WBP2NL: variants seen among roughly 807,000 people sequenced by gnomAD.
WBP2NL encodes the protein WBP2 N-terminal like.
Under a neutral mutation model 23.3 loss-of-function variants are expected in WBP2NL, and 27 were observed. The observed-to-expected ratio is 1.16, with a 90% CI of 0.85 to 1.60. The LOEUF (loss-of-function observed/expected upper bound fraction) is 1.60, where lower values mean the gene tolerates loss of function less well. Among genes scored for constraint, WBP2NL ranks in the 40% most tolerant of loss-of-function variants. The probability of loss-of-function intolerance (pLI) is 0.00; values close to 1 mark genes in which losing one functional copy is unlikely to be tolerated. For missense variants in WBP2NL, 370 were observed against 389.5 expected, an observed-to-expected ratio of 0.95 and a Z score of 0.42; for synonymous variants, 151 against 145.9, an observed-to-expected ratio of 1.03 and a Z score of -0.25.
At chr22:42,051,884 A>G (rs1261880395) in intron 8 of WBP2NL, among the ~76,000 whole-genome samples, 3 of 152,230 alleles carry the variant, frequency 2.0e-5, no homozygotes, top group East Asian at 1.9e-4. Flanking sequence ...GGTAGGAACT[A>G]TTATCCCCAC....
chr22:42,048,284 G>T (rs1332748008), intron 8 of WBP2NL, among the ~76,000 whole-genome samples: 1 of 145,948 alleles, frequency 6.9e-6, no homozygotes, highest in African/African-American at 2.8e-5. Flanking sequence ...GCCGGGCGTG[G>T]TGGTGCACAC....
chr22:42,029,294 G>GA (rs953340569), downstream of WBP2NL, among the ~76,000 whole-genome samples: 2,609 of 81,548 alleles, frequency 0.032, 39 homozygotes, highest in Non-Finnish European at 0.036. Context: ...CTGTGTCTAG[G>GA]AAAAAAAAAA....
chr22:42,056,414 A>G (rs941584030), intron 8 of WBP2NL, among the ~76,000 whole-genome samples: 2 of 152,162 alleles, frequency 1.3e-5, no homozygotes, highest in Non-Finnish European at 2.9e-5. Context: ...ATGGGGACAA[A>G]AAATGAGTTA....
intron 8 of WBP2NL, among the ~76,000 whole-genome samples, chr22:42,041,918 T>A (rs548617217): frequency 3.3e-5 from 5 of 152,218 alleles, no homozygotes; most frequent in Admixed American, 3.3e-4. Flanking sequence ...AGACTATCTC[T>A]CTTTCAGTTT....
rs766411824 is a variant in WBP2NL, at chr22:42,026,773, CTATGGAGCCCCACCTGCAGGA to C, written c.538_558del (p.Ala180_Pro186del). On this transcript the variant is annotated inframe_deletion, in exon 6 of 6. Coordinates refer to ENST00000328823, the MANE Select transcript of WBP2NL (RefSeq NM_152613.3). ...TTCCATTATAATTCCCAGTTATTGT[CTATGGAGCCCCACCTGCAGGA>C]TATGGAGCCCCACCTCCCGGATACG... The C allele has an allele frequency of 3.3e-5, 53 of 1,613,334 alleles. No homozygotes were observed. Among genetic ancestry groups the C allele is most frequent in the East Asian group, 1.6e-4 (7 of 44,874 alleles).
intron 1 of WBP2NL, among the ~76,000 whole-genome samples, chr22:42,015,951 G>A (rs987209793): frequency 4.0e-5 from 6 of 151,678 alleles, no homozygotes; most frequent in African/African-American, 1.5e-4. Context: ...CATCCCTTTC[G>A]CTAGGTAGCA....
intron 1 of WBP2NL, among the ~76,000 whole-genome samples, chr22:42,006,682 G>A (rs1278770701): frequency 6.6e-6 from 1 of 152,204 alleles, no homozygotes; most frequent in Non-Finnish European, 1.5e-5. Context: ...GCTTACTAAA[G>A]TGTCTTGAAC....
chr22:42,009,259 A>G (rs1922589500), intron 1 of WBP2NL, among the ~76,000 whole-genome samples: 1 of 152,156 alleles, frequency 6.6e-6, no homozygotes, highest in Non-Finnish European at 1.5e-5. Flanking sequence ...CTCCCATTCC[A>G]TAGGTTGCTG....
At chr22:42,043,473 G>A (rs1401622151) in intron 8 of WBP2NL, among the ~76,000 whole-genome samples, 1 of 152,174 alleles carries the variant, frequency 6.6e-6, no homozygotes, top group African/African-American at 2.4e-5. Flanking sequence ...TGGTGAAGGC[G>A]AGGACCAACA....
chr22:42,001,987 G>A (rs1183048455), intron 1 of WBP2NL: 2 of 1,018,288 alleles, frequency 2.0e-6, no homozygotes, highest in African/African-American at 3.2e-5. Flanking sequence ...GAGGCAGGCT[G>A]CTGTGGGATG....
chr22:42,015,161 AC>A (rs2146777756), intron 1 of WBP2NL, among the ~76,000 whole-genome samples: 1 of 152,248 alleles, frequency 6.6e-6, no homozygotes, highest in African/African-American at 2.4e-5. Flanking sequence ...TTGTACAGTG[AC>A]TTTTCTGTAC....
chr22:42,047,268 TCAA>T (rs1375181009), intron 8 of WBP2NL, among the ~76,000 whole-genome samples: 9 of 36,236 alleles, frequency 2.5e-4, no homozygotes, highest in African/African-American at 7.3e-4. Context: ...ATTTTCAAGC[TCAA>T]AAAAAAAAAA....
intron 8 of WBP2NL, among the ~76,000 whole-genome samples, chr22:42,047,421 C>G (rs1925635006): frequency 6.6e-6 from 1 of 151,614 alleles, no homozygotes; most frequent in Non-Finnish European, 1.5e-5. Context: ...GAAACCCTGT[C>G]TCTACTAAAA....
intron 8 of WBP2NL, among the ~76,000 whole-genome samples, chr22:42,050,016 GT>G (rs1925778426): frequency 2.0e-5 from 3 of 150,426 alleles, no homozygotes; most frequent in African/African-American, 7.3e-5. Context: ...ACATTTTGGT[GT>G]GGCACATTCT....
chr22:42,041,060 G>T (rs1264969426), intron 8 of WBP2NL, among the ~76,000 whole-genome samples: 1 of 152,036 alleles, frequency 6.6e-6, no homozygotes, highest in Non-Finnish European at 1.5e-5. Flanking sequence ...GTCCATATTT[G>T]ATTTATATAT....
intron 8 of WBP2NL, among the ~76,000 whole-genome samples, chr22:42,050,104 A>G (rs994168961): frequency 1.5e-4 from 23 of 152,056 alleles, no homozygotes; most frequent in Admixed American, 5.9e-4. Context: ...AGATTGCTTG[A>G]GGCCAGTTTA....
rs3045492 is a variant in WBP2NL, at chr22:42,026,273, AAATAATAATAATAATAAT to A, written c.515-464_515-447del. 4.6e-4 allele frequency among the ~76,000 whole-genome samples: 64 copies of A among 140,312 alleles called. No individual in the cohort carries two copies. In the Middle Eastern group the frequency reaches 0.011, roughly 24 times the overall value. The allele number at this position is 140,312 out of a possible 152,430, so 92.1% of individuals were successfully genotyped here. A position where few individuals can be genotyped will look rare whatever the true frequency, so the allele number is the denominator to read the frequency against. ...GGCAACAGAGCGAGACCCCCTCTCA[AAATAATAATAATAATAAT>A]AATAATAATAATAATAATAATAATA... On this transcript the variant is annotated intron_variant, in intron 5 of 5. Transcript: ENST00000328823.
chr22:42,039,560 C>T (rs1335100962), intron 8 of WBP2NL, among the ~76,000 whole-genome samples: 1 of 152,068 alleles, frequency 6.6e-6, no homozygotes, highest in Non-Finnish European at 1.5e-5. Context: ...TCTGTTTCTT[C>T]TTGATTCGGT....
At position 42,038,617 on chromosome 22, in the gene WBP2NL, G is replaced by A. The variant is rs5758554; in HGVS notation, c.*273+7794G>A. Among the ~76,000 whole-genome samples the A allele has an allele frequency of 0.019, 2,829 of 150,674 alleles. 643 individuals carry two copies. In the East Asian group the frequency reaches 0.49, roughly 26 times the overall value. On this transcript the variant is annotated intron_variant and NMD_transcript_variant, in intron 8 of 8. Transcript: ENST00000436265. ...CATTTCTTTGTTGGATTTTTTTTTT[G>A]TTTGAGACCAAGTCTCGCTCTGTTG...
Sources: allele counts gnomAD v4.1 joint callset (sites outside exome capture counted in the v4.1 genomes callset), GRCh38; gene constraint gnomAD v4.1.1; transcripts MANE v1.5; gene names NCBI Gene and HGNC (gene_info 2026-07-23, HGNC 2026-07-21).